CORO1C: variants seen among roughly 807,000 people sequenced by gnomAD.
The protein encoded by CORO1C is coronin 1C, also known as coronin-1C.
A neutral mutation model predicts 51.2 loss-of-function variants in CORO1C; 14 were observed. That is an observed-to-expected ratio of 0.27 (90% CI 0.18 to 0.43). CORO1C has a LOEUF of 0.43. Ranked by LOEUF, CORO1C falls within the 20% of genes least tolerant of loss-of-function variation. The pLI is 1.00. For synonymous variants in CORO1C, 181 were observed against 210.5 expected (o/e 0.86, Z 1.21); for missense variants, 417 against 607.8 (o/e 0.69, Z 3.30).
intron 3 of CORO1C, among the ~76,000 whole-genome samples, chr12:108,674,706 G>A (rs1169390417): frequency 6.6e-6 from 1 of 152,176 alleles, no homozygotes. Flanking sequence ...TGGAAATAGA[G>A]AACTAGAGAA....
intron 1 of CORO1C, among the ~76,000 whole-genome samples, chr12:108,715,632 TCCCTCCCC>T (rs2035309149): frequency 4.1e-5 from 2 of 48,974 alleles, no homozygotes; most frequent in South Asian, 1.7e-3. Context: ...ACCCGCCTCC[TCCCTCCCC>T]CCCTCCCCCC....
At chr12:108,687,535 A>C (rs374388755) in intron 2 of CORO1C, among the ~76,000 whole-genome samples, 1 of 152,024 alleles carries the variant, frequency 6.6e-6, no homozygotes, top group African/African-American at 2.4e-5. Context: ...CTGTAATCTC[A>C]GCACTTTGGG....
At position 108,702,808 on chromosome 12, in the gene CORO1C, T is replaced by C. The variant is rs1469269414; in HGVS notation, c.-5-1485A>G. 7.8e-6 allele frequency: 12 copies of C among 1,530,216 alleles called. No individual in the cohort carries two copies. In the Admixed American group the frequency reaches 2.4e-4, roughly 31 times the overall value. 94.8% of individuals were successfully genotyped at this position (1,530,216 alleles called of 1,614,324 possible). ...CAGAGTCTCTTACCCTTCCAACGCA[T>C]GTGTGAAAGTGGCCTCTCTCCAATG... is the stretch of plus-strand genomic sequence containing the variant. On this transcript the variant is annotated intron_variant, in intron 1 of 10. Coordinates refer to ENST00000261401, the MANE Select transcript of CORO1C (RefSeq NM_014325.4).
At position 108,701,530 on chromosome 12, in the gene CORO1C, G is replaced by T. The variant is rs778547796; in HGVS notation, c.-5-207C>A. 293 of 652,210 alleles carry T rather than the reference G, an allele frequency of 4.5e-4. 1 individual carries two copies. The highest frequency in any genetic ancestry group is 3.4e-3 in the Middle Eastern group (8 of 2,344). The allele number at this position is 652,210 out of a possible 1,614,324, so 40.4% of individuals were successfully genotyped here. ...AATGCGTCAGGGAAAGAATTACAAA[G>T]AAATGAAAAATTCCTAATTCAAGAT... On this transcript the variant is annotated intron_variant, in intron 1 of 10. Coordinates refer to ENST00000261401, the MANE Select transcript of CORO1C (RefSeq NM_014325.4).
At chr12:108,697,354 G>A (rs977837050) in intron 2 of CORO1C, among the ~76,000 whole-genome samples, 1 of 152,176 alleles carries the variant, frequency 6.6e-6, no homozygotes, top group Non-Finnish European at 1.5e-5. Context: ...AGAAGCCCAT[G>A]AGATAATTAT....
In CORO1C at chr12:108,678,278, C is replaced by G. The variant is rs143862037; in HGVS notation, c.312G>C (p.Thr104=). ...QVIASGSEDC[T]VMVWQIPENG... ...CAACACCCTGGGAGCTTACCATGACCGTGCAGTCCTCTGAACCGCTGGCAA... is the reference window on the plus strand; with the variant it reads ...CAACACCCTGGGAGCTTACCATGACGGTGCAGTCCTCTGAACCGCTGGCAA... The change falls in exon 3 of 11, where the codon ACG becomes ACC. Residue 104 remains threonine, a synonymous_variant. Transcript: ENST00000261401. 5.5e-5 allele frequency: 89 copies of G among 1,610,818 alleles called. No individual in the cohort carries two copies. The African/African-American group carries it at 9.6e-4, about 17-fold the overall frequency.
intron 3 of CORO1C, among the ~76,000 whole-genome samples, chr12:108,673,715 C>T (rs1364373515): frequency 1.3e-5 from 2 of 152,028 alleles, no homozygotes; most frequent in African/African-American, 2.4e-5. Flanking sequence ...GCTCATTTAC[C>T]GCACCAAAAA....
chr12:108,722,924 A>C (rs1024476896), intron 1 of CORO1C, among the ~76,000 whole-genome samples: 1 of 152,220 alleles, frequency 6.6e-6, no homozygotes, highest in African/African-American at 2.4e-5. Flanking sequence ...AAAAAAGAAG[A>C]CTTCCAACTT....
chr12:108,697,918 C>T (rs1273433200), intron 2 of CORO1C, among the ~76,000 whole-genome samples: 2 of 152,136 alleles, frequency 1.3e-5, no homozygotes, highest in Non-Finnish European at 2.9e-5. Context: ...CATGACTATA[C>T]CAAAATTATA....
At chr12:108,702,745 G>A in intron 1 of CORO1C, 1 of 1,456,964 alleles carries the variant, frequency 6.9e-7, no homozygotes, top group Non-Finnish European at 9.1e-7. Context: ...ATGGCCCTGA[G>A]CCCACTGCTA....
intron 3 of CORO1C, among the ~76,000 whole-genome samples, chr12:108,671,593 T>C (rs1292444954): frequency 6.6e-6 from 1 of 151,574 alleles, no homozygotes; most frequent in Non-Finnish European, 1.5e-5. Flanking sequence ...TAAAATTAAC[T>C]ATATTTGAAG....
intron 3 of CORO1C, among the ~76,000 whole-genome samples, chr12:108,663,926 C>T (rs2033373565): frequency 6.6e-6 from 1 of 151,972 alleles, no homozygotes; most frequent in South Asian, 2.1e-4. Flanking sequence ...CATGCCTGGG[C>T]ACAGGGGGAG....
chr12:108,670,638 A>G (rs960773633), intron 3 of CORO1C, among the ~76,000 whole-genome samples: 1 of 152,222 alleles, frequency 6.6e-6, no homozygotes, highest in Non-Finnish European at 1.5e-5. Flanking sequence ...GAACCAAGCC[A>G]CCATTTAAAA....
chr12:108,728,259 G>C (rs912291396), intron 1 of CORO1C, among the ~76,000 whole-genome samples: 1 of 151,292 alleles, frequency 6.6e-6, no homozygotes, highest in Non-Finnish European at 1.5e-5. Flanking sequence ...AGCCAAAAAG[G>C]AAAAACACCC....
intron 3 of CORO1C, among the ~76,000 whole-genome samples, chr12:108,663,444 G>T (rs968801216): frequency 6.6e-6 from 1 of 152,110 alleles, no homozygotes; most frequent in Non-Finnish European, 1.5e-5. Context: ...TCCATCTATC[G>T]ATAAATGGCT....
At position 108,648,755 on chromosome 12, in the gene CORO1C, T is replaced by C. The variant is rs746453716; in HGVS notation, c.1155A>G (p.Pro385=). ...EEWFEGKNAD[P]ILISLKHGYI... ...ACCCGTGCTTCAAGGAGATGAGGAT[T>C]GGGTCTGCATTCTTGCCTTCGAACC... The change falls in exon 10 of 11, where the codon CCA becomes CCG. Residue 385 remains proline (P), a synonymous_variant. Coordinates refer to ENST00000261401, the MANE Select transcript of CORO1C (RefSeq NM_014325.4). 83 of 1,614,080 alleles carry C rather than the reference T, an allele frequency of 5.1e-5. No individual in the cohort carries two copies. Among genetic ancestry groups the C allele is most frequent in the Non-Finnish European group, 5.6e-5 (66 of 1,180,044 alleles).
At chr12:108,707,702 T>C (rs1412226775) in intron 1 of CORO1C, among the ~76,000 whole-genome samples, 1 of 152,154 alleles carries the variant, frequency 6.6e-6, no homozygotes, top group Non-Finnish European at 1.5e-5. Context: ...AGACAACTCA[T>C]AGAATGGGAG....
intron 6 of CORO1C, among the ~76,000 whole-genome samples, chr12:108,655,302 TC>T (rs1440217406): frequency 3.3e-5 from 5 of 152,164 alleles, no homozygotes; most frequent in African/African-American, 1.2e-4. Context: ...ATTTTCCAAA[TC>T]CAAAACACTA....
chr12:108,725,562 A>G lies in CORO1C; in HGVS notation c.-6+5867T>C, dbSNP rs147918310. ...GGAGCCAAGAGTGAAGCCCAGCTCTATCTGGCCCTAAAGGCCTGCACCCTC... is the reference window on the plus strand; with the variant it reads ...GGAGCCAAGAGTGAAGCCCAGCTCTGTCTGGCCCTAAAGGCCTGCACCCTC... On this transcript the variant is annotated intron_variant, in intron 1 of 10. Coordinates refer to ENST00000261401, the MANE Select transcript of CORO1C (RefSeq NM_014325.4). Among the ~76,000 whole-genome samples, 47 of 152,346 alleles carry G rather than the reference A, an allele frequency of 3.1e-4. 1 individual carries two copies. In the East Asian group the frequency reaches 7.7e-3, roughly 25 times the overall value.
Sources: gnomAD v4.1 joint callset for allele counts (sites outside exome capture counted in the v4.1 genomes callset) on GRCh38, gnomAD v4.1.1 for gene constraint, MANE v1.5 for transcripts, NCBI Gene and HGNC (gene_info 2026-07-23, HGNC 2026-07-21) for gene names.